SLC39A10: variants seen among roughly 807,000 people sequenced by gnomAD.
SLC39A10 encodes the protein zinc transporter ZIP10.
SLC39A10 carries 13 observed loss-of-function variants against 65.1 expected under a neutral mutation model. That is an observed-to-expected ratio of 0.20 (90% CI 0.13 to 0.32). SLC39A10 has a LOEUF of 0.32. SLC39A10 is among the 10% of genes least tolerant of loss of function. SLC39A10 has a pLI of 1.00. For synonymous variants in SLC39A10, 321 were observed against 342.2 expected (o/e 0.94, Z 0.68); for missense variants, 831 against 1,018.4 (o/e 0.82, Z 2.50).
At position 195,736,843 on chromosome 2, in the gene SLC39A10, A is replaced by G. The variant is rs533613371; in HGVS notation, c.*1802A>G. 15 of 152,578 alleles carry G rather than the reference A, an allele frequency of 9.8e-5. 1 individual carries two copies. The South Asian group carries it at 2.5e-3, about 25-fold the overall frequency. The allele number at this position is 152,578 out of a possible 1,614,324, so 9.5% of individuals were successfully genotyped here. On this transcript the variant is annotated 3_prime_UTR_variant, in exon 10 of 10. Coordinates refer to ENST00000359634, the MANE Select transcript of SLC39A10 (RefSeq NM_020342.3). ...CAAGCAACCTAGCTAAAAGGTGCTG[A>G]TATTTTATTTAGTACTGCCAACTTC... is the stretch of plus-strand genomic sequence containing the variant.
intron 3 of SLC39A10, among the ~76,000 whole-genome samples, chr2:195,702,816 G>A (rs1691244444): frequency 6.6e-6 from 1 of 152,200 alleles, no homozygotes; most frequent in African/African-American, 2.4e-5. Flanking sequence ...TAATTTTTCT[G>A]TCAGAATTGT....
intron 4 of SLC39A10, among the ~76,000 whole-genome samples, chr2:195,708,017 A>G (rs1297920208): frequency 6.6e-6 from 1 of 152,194 alleles, no homozygotes; most frequent in Non-Finnish European, 1.5e-5. Context: ...AAGCTTTAAA[A>G]TATAGAAAAT....
intron 3 of SLC39A10, among the ~76,000 whole-genome samples, chr2:195,697,003 A>G (rs1351367722): frequency 2.6e-5 from 4 of 152,138 alleles, no homozygotes; most frequent in African/African-American, 4.8e-5. Context: ...TATTCATTAA[A>G]TGAAAGTGAA....
In SLC39A10 at chr2:195,665,355, G is replaced by T. The variant is rs994788467; in HGVS notation, c.-12+8074G>T. 2.0e-5 allele frequency among the ~76,000 whole-genome samples: 3 copies of T among 152,280 alleles called. No individual in the cohort carries two copies. The South Asian group carries it at 6.2e-4, about 32-fold the overall frequency. On this transcript the variant is annotated intron_variant, in intron 1 of 9. Transcript: ENST00000359634. Reference sequence around the variant, plus strand: ...TAAAATTAGCTGGGTGTGGTGCTGCGCACCTGTAGTCCCAGCTATGTAGGA... The same window carrying T: ...TAAAATTAGCTGGGTGTGGTGCTGCTCACCTGTAGTCCCAGCTATGTAGGA...
intron 3 of SLC39A10, among the ~76,000 whole-genome samples, chr2:195,698,475 T>C (rs1490794737): frequency 3.3e-5 from 5 of 152,084 alleles, no homozygotes; most frequent in Non-Finnish European, 1.5e-5. Context: ...TGGCTTTTAT[T>C]ATGTAAGGTT....
chr2:195,624,476 GA>G (rs1365017054), intron 2 of SLC39A10, among the ~76,000 whole-genome samples: 4 of 149,970 alleles, frequency 2.7e-5, no homozygotes, highest in South Asian at 2.1e-4. Flanking sequence ...AAAAAAAGAA[GA>G]AAAAAAGTAA....
At chr2:195,642,633 T>C (rs1688834413) in intron 2 of SLC39A10, among the ~76,000 whole-genome samples, 1 of 152,208 alleles carries the variant, frequency 6.6e-6, no homozygotes, top group African/African-American at 2.4e-5. Context: ...GTATTTCTCA[T>C]ACCTGAATTA....
chr2:195,680,542 A>T lies in SLC39A10; in HGVS notation c.500A>T (p.Asp167Val). The change falls in exon 2 of 10, where the codon GAT (aspartate) becomes GTT (valine). Residue 167 changes from aspartate to valine, a missense_variant. Asp to Val is a radical substitution (Grantham distance 152). Around this residue, in one of 4 missense-constraint regions of SLC39A10, gnomAD observed 446 missense variants for 499.2 expected, o/e 0.89. Coordinates refer to ENST00000359634, the MANE Select transcript of SLC39A10 (RefSeq NM_020342.3). ...ACAGTTGAAGTGTCTGTAAAATCTG[A>T]TGATAAACATATGCATGACCATAAT... ...KETVEVSVKSDDKHMHDHNHR... is the reference protein window; with the variant it reads ...KETVEVSVKSVDKHMHDHNHR... 6.2e-7 allele frequency: 1 copy of T among 1,614,186 alleles called. No homozygotes were observed. Among genetic ancestry groups the T allele is most frequent in the South Asian group, 1.1e-5 (1 of 91,082 alleles).
At chr2:195,722,662 C>T (rs1304047887) in intron 8 of SLC39A10, among the ~76,000 whole-genome samples, 1 of 152,202 alleles carries the variant, frequency 6.6e-6, no homozygotes, top group Non-Finnish European at 1.5e-5. Context: ...GAAGCATGGG[C>T]AGATAGAGCC....
intron 2 of SLC39A10, among the ~76,000 whole-genome samples, chr2:195,645,274 G>A (rs1239787358): frequency 1.3e-5 from 2 of 151,924 alleles, no homozygotes; most frequent in East Asian, 1.9e-4. Context: ...CATCATACTG[G>A]CTAATGTCAT....
Position 195,708,731 on chromosome 2 carries a change from T to G in SLC39A10, c.1462T>G (p.Phe488Val). ...GHSHGHESNK[F>V]LEEYDAVLKG... ...TTCTCATGGACATGAATCTAACAAG[T>G]TTTTGGAAGAATATGATGCTGTATT... Residue 488 changes from phenylalanine to valine, a missense_variant, in exon 5 of 10, where the codon TTT becomes GTT. Phe to Val is a conservative substitution (Grantham distance 50, BLOSUM62 -1). Transcript: ENST00000359634. 6.2e-7 allele frequency: 1 copy of G among 1,613,004 alleles called. No homozygotes were observed. The highest frequency in any genetic ancestry group is 1.1e-5 in the South Asian group (1 of 90,806).
intron 5 of SLC39A10, 147 bp downstream of exon 5, chr2:195,708,991 C>G: frequency 1.6e-6 from 1 of 614,444 alleles, no homozygotes; most frequent in Non-Finnish European, 2.6e-6. Flanking sequence ...AAAAAGCTGA[C>G]TTTGGTTTTT....
chr2:195,692,363 T>C (rs1690777945), intron 3 of SLC39A10, among the ~76,000 whole-genome samples: 1 of 152,192 alleles, frequency 6.6e-6, no homozygotes, highest in South Asian at 2.1e-4. Flanking sequence ...TTAAGATTTT[T>C]TTTTCTAGTT....
chr2:195,688,578 A>G (rs1235724463), intron 3 of SLC39A10, among the ~76,000 whole-genome samples: 1 of 152,178 alleles, frequency 6.6e-6, no homozygotes, highest in Non-Finnish European at 1.5e-5. Flanking sequence ...TCAGGATAAG[A>G]AGACATGTTC....
intron 3 of SLC39A10, among the ~76,000 whole-genome samples, chr2:195,684,114 T>A (rs926529883): frequency 6.6e-6 from 1 of 152,036 alleles, no homozygotes; most frequent in Non-Finnish European, 1.5e-5. Flanking sequence ...TTCTGGTATA[T>A]TACAAAGGGA....
intron 2 of SLC39A10, among the ~76,000 whole-genome samples, chr2:195,646,791 T>C (rs1688928898): frequency 6.6e-6 from 1 of 152,200 alleles, no homozygotes; most frequent in Admixed American, 6.5e-5. Flanking sequence ...ACGAACCCTA[T>C]GGTGAACCGT....
intron 2 of SLC39A10, among the ~76,000 whole-genome samples, chr2:195,613,427 T>C (rs772085887): frequency 6.6e-6 from 1 of 152,228 alleles, no homozygotes; most frequent in Non-Finnish European, 1.5e-5. Context: ...AGTAAGTGCA[T>C]GCTTTATAAA....
chr2:195,679,588 G>A (rs114690151), intron 1 of SLC39A10, among the ~76,000 whole-genome samples: 1,693 of 152,136 alleles, frequency 0.011, 27 homozygotes, highest in African/African-American at 0.034. Flanking sequence ...ATAGCCATCC[G>A]TTTATTTAGG....
intron 1 of SLC39A10, among the ~76,000 whole-genome samples, chr2:195,661,095 A>AC (rs1491529863): frequency 1.3e-5 from 2 of 152,184 alleles, no homozygotes; most frequent in Non-Finnish European, 2.9e-5. Flanking sequence ...AGATATTATA[A>AC]CACAATATAC....
Sources: allele counts gnomAD v4.1 joint callset (sites outside exome capture counted in the v4.1 genomes callset), GRCh38; gene constraint gnomAD v4.1.1; regional missense constraint gnomAD v4.1.1; transcripts MANE v1.5; gene names NCBI Gene and HGNC (gene_info 2026-07-23, HGNC 2026-07-21).